Variants in RAD54L2 observed in about 807,000 individuals in gnomAD.
RAD54L2 encodes helicase ARIP4.
RAD54L2 carries 27 observed loss-of-function variants against 138.4 expected under a neutral mutation model. The ratio of observed to expected loss-of-function variants is 0.20; its 90% CI spans 0.14 to 0.27. The LOEUF (loss-of-function observed/expected upper bound fraction) is 0.27, where lower values mean the gene tolerates loss of function less well. Among genes scored for constraint, RAD54L2 ranks in the 10% least tolerant of loss-of-function variants. The pLI is 1.00. For missense variants in RAD54L2, 1,396 were observed against 1,890.2 expected (o/e 0.74, Z 4.85); for synonymous variants, 644 against 723.2 (o/e 0.89, Z 1.76).
chr3:51,605,888 A>G (rs1182656786), intron 3 of RAD54L2, among the ~76,000 whole-genome samples: 1 of 152,238 alleles, frequency 6.6e-6, no homozygotes, highest in African/African-American at 2.4e-5. Flanking sequence ...AATGTTGGGC[A>G]CACTGGAATG....
At chr3:51,629,588 G>T in intron 5 of RAD54L2, 115 bp downstream of exon 5, 3 of 1,328,260 alleles carry the variant, frequency 2.3e-6, no homozygotes, top group Non-Finnish European at 2.0e-6. Flanking sequence ...GCTGGGCGCG[G>T]TGGCTCACGC....
intron 10 of RAD54L2, among the ~76,000 whole-genome samples, chr3:51,636,628 T>G (rs969514163): frequency 2.2e-4 from 33 of 152,186 alleles, no homozygotes; most frequent in African/African-American, 7.5e-4. Flanking sequence ...AGTTATACTT[T>G]TCACATAAAG....
chr3:51,543,551 T>G lies in RAD54L2; in HGVS notation c.-55+1901T>G, dbSNP rs1186106826. On this transcript the variant is annotated intron_variant, in intron 2 of 22. Transcript: ENST00000684192. The stretch of plus-strand genomic sequence containing the variant: ...TGAACCTAGGAGGCGGAGGTTGCGG[T>G]GAGCAGAGGTTGTGCTAGTGCACTC... Among the ~76,000 whole-genome samples, 14 of 144,962 alleles carry G rather than the reference T, an allele frequency of 9.7e-5. No homozygotes were observed. In the Admixed American group the frequency reaches 1.0e-3, roughly 11 times the overall value.
chr3:51,587,561 T>A (rs562543429), intron 2 of RAD54L2, among the ~76,000 whole-genome samples: 3 of 152,292 alleles, frequency 2.0e-5, no homozygotes, highest in East Asian at 3.9e-4. Flanking sequence ...TGCAAAAATT[T>A]AAATTTTATT....
At chr3:51,584,932 A>G (rs886814471) in intron 2 of RAD54L2, among the ~76,000 whole-genome samples, 1 of 151,774 alleles carries the variant, frequency 6.6e-6, no homozygotes, top group African/African-American at 2.4e-5. Context: ...CAGCCTCCCA[A>G]GTAGATGGGA....
intron 2 of RAD54L2, among the ~76,000 whole-genome samples, chr3:51,585,193 AAAAC>A (rs200712597): frequency 1.3e-5 from 2 of 152,156 alleles, no homozygotes; most frequent in East Asian, 3.8e-4. Flanking sequence ...TTCAAGAAAA[AAAAC>A]AAGTCATTTG....
chr3:51,552,120 T>G (rs1231135903), intron 2 of RAD54L2, among the ~76,000 whole-genome samples: 1 of 152,194 alleles, frequency 6.6e-6, no homozygotes, highest in Non-Finnish European at 1.5e-5. Flanking sequence ...TATAGAAATG[T>G]ATGCATGTTT....
At chr3:51,634,397 T>C (rs1700931085) in intron 9 of RAD54L2, among the ~76,000 whole-genome samples, 1 of 130,820 alleles carries the variant, frequency 7.6e-6, no homozygotes, top group Non-Finnish European at 1.6e-5. Flanking sequence ...TGAGACGGAG[T>C]CTTGTTCTGT....
intron 3 of RAD54L2, among the ~76,000 whole-genome samples, chr3:51,609,592 T>A (rs1156290244): frequency 6.6e-6 from 1 of 152,246 alleles, no homozygotes; most frequent in African/African-American, 2.4e-5. Context: ...CTTTGCCTCT[T>A]GTGCTTTCCC....
At chr3:51,605,451 G>GTTTTTTT (rs56187003) in intron 3 of RAD54L2, among the ~76,000 whole-genome samples, 1 of 109,244 alleles carries the variant, frequency 9.2e-6, no homozygotes, top group Non-Finnish European at 1.7e-5. Flanking sequence ...GAATTTGAGG[G>GTTTTTTT]TTTTTTTTTT....
At chr3:51,561,447 G>A (rs1699095409) in intron 2 of RAD54L2, among the ~76,000 whole-genome samples, 1 of 152,164 alleles carries the variant, frequency 6.6e-6, no homozygotes, top group African/African-American at 2.4e-5. Context: ...GTTTCACCAT[G>A]GTGGCCAGGC....
chr3:51,554,107 C>T (rs994634870), intron 2 of RAD54L2, among the ~76,000 whole-genome samples: 20 of 152,136 alleles, frequency 1.3e-4, no homozygotes, highest in Non-Finnish European at 2.1e-4. Context: ...TTTGCTGCAT[C>T]GATCAACTTT....
chr3:51,540,363 G>A (rs1215039070), intron 1 of RAD54L2, among the ~76,000 whole-genome samples: 4 of 152,156 alleles, frequency 2.6e-5, no homozygotes, highest in Admixed American at 6.5e-5. Flanking sequence ...TACTCTCACA[G>A]GACATTGTCT....
At chr3:51,618,167 G>A (rs1700491475) in intron 3 of RAD54L2, among the ~76,000 whole-genome samples, 1 of 150,140 alleles carries the variant, frequency 6.7e-6, no homozygotes, top group Non-Finnish European at 1.5e-5. Context: ...GTGGAGACAG[G>A]GTTTCACCAT....
chr3:51,651,503 A>G (rs1006987667), intron 19 of RAD54L2, among the ~76,000 whole-genome samples: 2 of 152,228 alleles, frequency 1.3e-5, no homozygotes, highest in Non-Finnish European at 2.9e-5. Context: ...TTTTAGACCA[A>G]TATCCCTGAT....
In RAD54L2 at chr3:51,662,542, A is replaced by G; in HGVS notation, c.3526A>G (p.Ile1176Val). ...CGTCTCTCCTGACAGCCCAGAGATC[A>G]TCAGTGAGCTTCAGCAGTATGCAGA... ...RPVSPDSPEI[I>V]SELQQYADVA... The change falls in exon 23 of 23, where the codon ATC (isoleucine) becomes GTC (valine). Residue 1176 changes from isoleucine (I) to valine (V), a missense_variant. Around this residue, in one of 7 missense-constraint regions of RAD54L2, gnomAD observed 634 missense variants for 711.2 expected, o/e 0.89. Coordinates refer to ENST00000684192, the MANE Select transcript of RAD54L2 (RefSeq NM_015106.4). This position sits in a 1 kb window ranked among gnomAD's most constrained non-coding sequence, Gnocchi z 4.6. The G allele has an allele frequency of 6.2e-7, 1 of 1,613,794 alleles. No homozygotes were observed. The highest frequency in any genetic ancestry group is 1.7e-5 in the Admixed American group (1 of 59,984).
chr3:51,551,384 C>T (rs976872169), intron 2 of RAD54L2, among the ~76,000 whole-genome samples: 2 of 151,682 alleles, frequency 1.3e-5, no homozygotes, highest in Admixed American at 6.6e-5. Context: ...CTGCCTGTGT[C>T]GGCCTCCCAA....
intron 19 of RAD54L2, among the ~76,000 whole-genome samples, chr3:51,647,314 C>T (rs895354850): frequency 6.6e-6 from 1 of 152,216 alleles, no homozygotes; most frequent in Non-Finnish European, 1.5e-5. Flanking sequence ...GTGATCCTCA[C>T]ACCTCAGCCT....
rs778637062 is a variant in RAD54L2 at position 51,627,607 on chromosome 3, GGCA to G, written c.200_202del (p.Gln67del). 1.3e-6 allele frequency: 2 copies of G among 1,560,506 alleles called. No homozygotes were observed. Among genetic ancestry groups the G allele is most frequent in the Non-Finnish European group, 1.7e-6 (2 of 1,152,906 alleles). ...GAGCATGCCCAGTTGGGAGAAGATG[GGCA>G]GCAGCCGCCGCGGTGCACTTCAACT... On this transcript the variant is annotated inframe_deletion, in exon 4 of 23. Coordinates refer to ENST00000684192, the MANE Select transcript of RAD54L2 (RefSeq NM_015106.4).
Sources: gnomAD v4.1 joint callset for allele counts (sites outside exome capture counted in the v4.1 genomes callset) on GRCh38, gnomAD v4.1.1 for gene constraint, gnomAD v4.1.1 regional missense constraint, Gnocchi (gnomAD v3.1) non-coding constraint, MANE v1.5 for transcripts, NCBI Gene and HGNC (gene_info 2026-07-23, HGNC 2026-07-21) for gene names.